Variants in NLGN1 observed in about 807,000 individuals in gnomAD.
NLGN1 encodes the protein neuroligin-1.
In NLGN1, 12 loss-of-function variants were observed where a neutral mutation model predicts 65.5. The observed-to-expected ratio is 0.18, with a 90% CI of 0.12 to 0.30. NLGN1 has a LOEUF of 0.30. Ranked by LOEUF, NLGN1 falls within the 10% of genes least tolerant of loss-of-function variation. The probability of loss-of-function intolerance (pLI) is 1.00; values close to 1 mark genes in which losing one functional copy is unlikely to be tolerated. For missense variants in NLGN1, 750 were observed against 1,007.1 expected (o/e 0.74, Z 3.46); for synonymous variants, 350 against 359.5 (o/e 0.97, Z 0.30).
chr3:173,785,778 A>T (rs1781856683), intron 3 of NLGN1, among the ~76,000 whole-genome samples: 1 of 152,128 alleles, frequency 6.6e-6, no homozygotes, highest in Non-Finnish European at 1.5e-5. Context: ...TTTGTTTGGG[A>T]GTAGACCGTA....
At chr3:173,991,175 T>C (rs1721019889) in intron 4 of NLGN1, among the ~76,000 whole-genome samples, 1 of 152,188 alleles carries the variant, frequency 6.6e-6, no homozygotes, top group Non-Finnish European at 1.5e-5. Flanking sequence ...TAGGGTACCT[T>C]CACTGCCATA....
chr3:174,098,568 G>T (rs1418433567), intron 4 of NLGN1, among the ~76,000 whole-genome samples: 1 of 152,148 alleles, frequency 6.6e-6, no homozygotes, highest in Admixed American at 6.6e-5. Flanking sequence ...TCATCTTTCT[G>T]CAGTCCTACT....
At chr3:173,531,888 C>CT (rs1359446973) in intron 2 of NLGN1, among the ~76,000 whole-genome samples, 1 of 152,036 alleles carries the variant, frequency 6.6e-6, no homozygotes, top group Non-Finnish European at 1.5e-5. Flanking sequence ...TCATTATTAG[C>CT]TTTACACAGA....
chr3:173,592,719 A>G (rs1389380819), intron 2 of NLGN1, among the ~76,000 whole-genome samples: 2 of 152,236 alleles, frequency 1.3e-5, no homozygotes, highest in Non-Finnish European at 2.9e-5. Context: ...AGGACTTACA[A>G]TGTAATGCAT....
chr3:173,491,308 C>G (rs374785895), intron 2 of NLGN1, among the ~76,000 whole-genome samples: 12 of 151,756 alleles, frequency 7.9e-5, no homozygotes, highest in Non-Finnish European at 1.8e-4. Context: ...GCATGAAGAG[C>G]TGTTGAATTT....
intron 3 of NLGN1, among the ~76,000 whole-genome samples, chr3:173,789,098 C>T (rs1712014852): frequency 6.6e-6 from 1 of 151,596 alleles, no homozygotes; most frequent in Non-Finnish European, 1.5e-5. Flanking sequence ...ACTCAGGAGG[C>T]TGAGGAAGGA....
Position 173,684,156 on chromosome 3 carries a change from G to C in NLGN1, c.493+79065G>C, listed in dbSNP as rs774839042. Among the ~76,000 whole-genome samples, 7 of 151,956 alleles carry C rather than the reference G, an allele frequency of 4.6e-5. 1 individual carries two copies. The highest frequency in any genetic ancestry group is 1.0e-4 in the Non-Finnish European group (7 of 67,978). Reference sequence around the variant, plus strand: ...AACATGCCAAAACAGAAAATAATTTGAAGTGATTATTAACTTTTCAAAAAA... The same window carrying C: ...AACATGCCAAAACAGAAAATAATTTCAAGTGATTATTAACTTTTCAAAAAA... On this transcript the variant is annotated intron_variant, in intron 3 of 6. Coordinates refer to ENST00000457714, the Ensembl canonical transcript of NLGN1.
At chr3:173,432,313 CA>C (rs1717331720) in intron 1 of NLGN1, among the ~76,000 whole-genome samples, 1 of 152,190 alleles carries the variant, frequency 6.6e-6, no homozygotes, top group African/African-American at 2.4e-5. Context: ...AACTGACTTG[CA>C]AAGATGCTAT....
intron 4 of NLGN1, among the ~76,000 whole-genome samples, chr3:174,115,091 G>A (rs187296069): frequency 6.6e-6 from 1 of 152,040 alleles, no homozygotes; most frequent in Non-Finnish European, 1.5e-5. Flanking sequence ...GATTGTGGAC[G>A]GTCTCTTTCA....
intron 4 of NLGN1, among the ~76,000 whole-genome samples, chr3:174,026,229 C>T (rs540356285): frequency 9.9e-4 from 151 of 152,216 alleles, no homozygotes; most frequent in Admixed American, 1.8e-3. Flanking sequence ...TGGGCTCAAG[C>T]GATCCTTCTC....
chr3:173,875,407 A>G (rs1282436710), intron 4 of NLGN1, among the ~76,000 whole-genome samples: 1 of 152,210 alleles, frequency 6.6e-6, no homozygotes. Flanking sequence ...TAAAAGGGAT[A>G]TAATAAAAAT....
At chr3:174,210,756 A>C (rs1277535093) in intron 4 of NLGN1, among the ~76,000 whole-genome samples, 1 of 152,226 alleles carries the variant, frequency 6.6e-6, no homozygotes, top group Non-Finnish European at 1.5e-5. Context: ...ATGCCACATA[A>C]TGACATTTTA....
intron 3 of NLGN1, among the ~76,000 whole-genome samples, chr3:173,699,047 G>T (rs1241770095): frequency 6.6e-6 from 1 of 151,992 alleles, no homozygotes; most frequent in Non-Finnish European, 1.5e-5. Flanking sequence ...GTAGAGACGC[G>T]TTATCTCCAG....
chr3:173,408,210 C>T (rs1711682795), intron 1 of NLGN1, among the ~76,000 whole-genome samples: 1 of 152,130 alleles, frequency 6.6e-6, no homozygotes, highest in South Asian at 2.1e-4. Context: ...CACAATATGT[C>T]TTCTTTTCCA....
At chr3:173,655,262 A>G (rs1759822839) in intron 3 of NLGN1, among the ~76,000 whole-genome samples, 1 of 152,136 alleles carries the variant, frequency 6.6e-6, no homozygotes, top group African/African-American at 2.4e-5. Flanking sequence ...ATAAACTCTT[A>G]TTCACTTATA....
At chr3:174,137,674 T>C (rs1236386243) in intron 4 of NLGN1, among the ~76,000 whole-genome samples, 1 of 152,292 alleles carries the variant, frequency 6.6e-6, no homozygotes, top group African/African-American at 2.4e-5. Flanking sequence ...ACTGTAAATA[T>C]GCATAATGAA....
intron 4 of NLGN1, among the ~76,000 whole-genome samples, chr3:173,854,700 G>A (rs1033247004): frequency 6.6e-6 from 1 of 151,978 alleles, no homozygotes; most frequent in African/African-American, 2.4e-5. Flanking sequence ...ACCATTAATG[G>A]TCATATTTAT....
chr3:173,515,134 C>G (rs973636125), intron 2 of NLGN1, among the ~76,000 whole-genome samples: 2 of 152,082 alleles, frequency 1.3e-5, no homozygotes, highest in African/African-American at 2.4e-5. Context: ...TGCGCAAGGG[C>G]AACAATTTAT....
chr3:173,592,464 G>A (rs911380989), intron 2 of NLGN1, among the ~76,000 whole-genome samples: 11 of 152,234 alleles, frequency 7.2e-5, no homozygotes, highest in African/African-American at 2.6e-4. Flanking sequence ...CCACACAATA[G>A]TGGAATTAGC....
Sources: allele counts gnomAD v4.1 joint callset (sites outside exome capture counted in the v4.1 genomes callset), GRCh38; gene constraint gnomAD v4.1.1; transcripts MANE v1.5; gene names NCBI Gene and HGNC (gene_info 2026-07-23, HGNC 2026-07-21).